DCUN1D5: variants seen among roughly 807,000 people sequenced by gnomAD.
DCUN1D5 encodes defective in cullin neddylation 1 domain containing 5, also known as DCN1-like protein 5.
DCUN1D5 carries 10 observed loss-of-function variants against 38.3 expected under a neutral mutation model. That is an observed-to-expected ratio of 0.26 (90% CI 0.16 to 0.44). The LOEUF (loss-of-function observed/expected upper bound fraction) is 0.44. Among genes scored for constraint, DCUN1D5 ranks in the 20% least tolerant of loss-of-function variants. The pLI is 1.00. For missense variants in DCUN1D5, 148 were observed against 275.3 expected (o/e 0.54, Z 3.27); for synonymous variants, 93 against 90.9 (o/e 1.02, Z -0.13).
chr11:103,085,457 A>G (rs1430333793), intron 2 of DCUN1D5, among the ~76,000 whole-genome samples: 2 of 152,174 alleles, frequency 1.3e-5, no homozygotes, highest in Non-Finnish European at 2.9e-5. Flanking sequence ...AAAAATAAAA[A>G]AGAAATATCA....
rs1029982618 is a variant in DCUN1D5 at position 103,058,193 on chromosome 11, T to C, written c.*4166A>G. On this transcript the variant is annotated 3_prime_UTR_variant, in exon 8 of 8. Transcript: ENST00000260247. ...TCAGAAACCATGTAAAAATGAGCCA[T>C]ATTATAAGAGGTTCTAATACATGAC... 3.4e-5 allele frequency among the ~76,000 whole-genome samples: 5 copies of C among 148,580 alleles called. No individual in the cohort carries two copies. The highest frequency in any genetic ancestry group is 6.7e-5 in the Admixed American group (1 of 14,860).
rs1261427065 is a variant in DCUN1D5, at chr11:103,054,791, T to A, written c.*7568A>T. 6.6e-6 allele frequency: 1 copy of A among 152,050 alleles called. No homozygotes were observed. The highest frequency in any genetic ancestry group is 2.4e-5 in the African/African-American group (1 of 41,406). 9.4% of individuals were successfully genotyped at this position (152,050 alleles called of 1,614,324 possible). ...TCCTTGGAATATAAATATACATTTA[T>A]ATTCAAATGTATATTAGCGTCAACT... On this transcript the variant is annotated 3_prime_UTR_variant, in exon 8 of 8. Transcript: ENST00000260247.
rs764998836 is a variant in DCUN1D5, at chr11:103,066,231, T to TA, written c.555+37dup. On this transcript the variant is annotated intron_variant, in intron 6 of 7. Coordinates refer to ENST00000260247, the MANE Select transcript of DCUN1D5 (RefSeq NM_032299.4). The surrounding 1 kb of genome is among the most constrained non-coding windows in gnomAD (Gnocchi z 4.7). ...AAAGTATAACTTTCAGATTAAGTTT[T>TA]AAAATAATATTTTCAAAATTCGAAA... is the stretch of plus-strand genomic sequence containing the variant. 2.7e-5 allele frequency: 35 copies of TA among 1,311,840 alleles called. No homozygotes were observed. The highest frequency in any genetic ancestry group is 3.5e-5 in the Non-Finnish European group (33 of 945,538). 81.3% of individuals were successfully genotyped at this position (1,311,840 alleles called of 1,614,324 possible).
rs1029203330 is a variant in DCUN1D5 at position 103,053,469 on chromosome 11, T to C, written c.*8890A>G. 2.0e-5 allele frequency: 3 copies of C among 152,118 alleles called. No homozygotes were observed. The highest frequency in any genetic ancestry group is 7.2e-5 in the African/African-American group (3 of 41,444). 9.4% of individuals were successfully genotyped at this position (152,118 alleles called of 1,614,324 possible). ...TGACTGATCTATTAACACTAAACTA[T>C]TGTACATTTCAAAATAGCTAAAGAG... On this transcript the variant is annotated 3_prime_UTR_variant, in exon 8 of 8. Transcript: ENST00000260247. This position sits in a 1 kb window ranked among gnomAD's most constrained non-coding sequence, Gnocchi z 4.8.
At chr11:103,072,763 G>T (rs1862309670) in intron 4 of DCUN1D5, among the ~76,000 whole-genome samples, 2 of 133,084 alleles carry the variant, frequency 1.5e-5, no homozygotes, top group Non-Finnish European at 1.6e-5. Flanking sequence ...CCTGTCGGGG[G>T]GTGGGGGGAG....
Position 103,066,408 on chromosome 11 carries a change from G to C in DCUN1D5, c.451-35C>G. The stretch of plus-strand genomic sequence containing the variant: ...AAGTGAAAAAGTTTTCCTAAGTGTG[G>C]TCTCAAGATGAAAAGCTATTAAAAC... On this transcript the variant is annotated intron_variant, in intron 5 of 7. Transcript: ENST00000260247. The surrounding 1 kb of genome is among the most constrained non-coding windows in gnomAD (Gnocchi z 4.7). 2 of 1,593,692 alleles carry C rather than the reference G, an allele frequency of 1.3e-6. No homozygotes were observed. Among genetic ancestry groups the C allele is most frequent in the Non-Finnish European group, 1.7e-6 (2 of 1,166,270 alleles).
At position 103,091,827 on chromosome 11, in the gene DCUN1D5, C is replaced by T; in HGVS notation, c.46G>A (p.Val16Ile). ...TTTTTGAGGCCTCCGTCTTCCGCTA[C>T]TGCTGCTGCCACCCCAGGGGATTTT... ...KRKSPGVAAA[V>I]AEDGGLKKCK... The change falls in exon 1 of 8, where the codon GTA becomes ATA. Residue 16 changes from valine (V) to isoleucine (I), a missense_variant. By Grantham distance (29) the Val-to-Ile change is conservative. Coordinates refer to ENST00000260247, the MANE Select transcript of DCUN1D5 (RefSeq NM_032299.4). The surrounding 1 kb of genome is among the most constrained non-coding windows in gnomAD (Gnocchi z 4.3). 6.2e-7 allele frequency: 1 copy of T among 1,614,120 alleles called. No individual in the cohort carries two copies. Among genetic ancestry groups the T allele is most frequent in the Non-Finnish European group, 8.5e-7 (1 of 1,179,960 alleles).
At chr11:103,072,337 ACTAGATCTAGATCTAGAT>A (rs59688664) in intron 4 of DCUN1D5, among the ~76,000 whole-genome samples, 5 of 145,662 alleles carry the variant, frequency 3.4e-5, no homozygotes, top group Non-Finnish European at 7.4e-5. Context: ...AGGATCTAGA[ACTAGATCTAGATCTAGAT>A]CTAGATCTAG....
At chr11:103,067,372 A>T (rs568123418) in intron 4 of DCUN1D5, among the ~76,000 whole-genome samples, 1 of 152,126 alleles carries the variant, frequency 6.6e-6, no homozygotes, top group Non-Finnish European at 1.5e-5. Flanking sequence ...TGCTCTAATT[A>T]TATCACTTAC....
At chr11:103,084,847 T>C (rs562322461) in intron 2 of DCUN1D5, among the ~76,000 whole-genome samples, 9 of 151,604 alleles carry the variant, frequency 5.9e-5, no homozygotes, top group African/African-American at 2.2e-4. Context: ...AATAGCCTTG[T>C]GTGGTGGTGC....
In DCUN1D5 at chr11:103,071,947, C is replaced by G. The variant is rs2134613443; in HGVS notation, c.342-5380G>C. 6.8e-6 allele frequency among the ~76,000 whole-genome samples: 1 copy of G among 147,442 alleles called. No homozygotes were observed. Among genetic ancestry groups the G allele is most frequent in the South Asian group, 2.2e-4 (1 of 4,526 alleles). The stretch of plus-strand genomic sequence containing the variant: ...TAATAAAGCCAGTATTACTTGATAC[C>G]AAAACCAGGCAAATACAAAAAAAAG... On this transcript the variant is annotated intron_variant, in intron 4 of 7. Coordinates refer to ENST00000260247, the MANE Select transcript of DCUN1D5 (RefSeq NM_032299.4). This position sits in a 1 kb window ranked among gnomAD's most constrained non-coding sequence, Gnocchi z 4.1.
rs141012503 is a variant in DCUN1D5, at chr11:103,061,597, CAAA to C, written c.*759_*761del. 4.9e-4 allele frequency among the ~76,000 whole-genome samples: 47 copies of C among 95,488 alleles called. No homozygotes were observed. The highest frequency in any genetic ancestry group is 6.5e-4 in the Non-Finnish European group (28 of 43,372). 62.6% of individuals were successfully genotyped at this position (95,488 alleles called of 152,430 possible). A position where few individuals can be genotyped will look rare whatever the true frequency, so the allele number is the denominator to read the frequency against. On this transcript the variant is annotated 3_prime_UTR_variant, in exon 8 of 8. Transcript: ENST00000260247. The stretch of plus-strand genomic sequence containing the variant: ...TATCACAGCTAACGTTCTCTTAAGG[CAAA>C]AAAAAAAAAAAAAAGTGCTTTAAAC...
rs1017746711 is a variant in DCUN1D5, at chr11:103,088,839, A to G, written c.178+388T>C. 1.1e-4 allele frequency among the ~76,000 whole-genome samples: 16 copies of G among 152,224 alleles called. 1 individual carries two copies. Among genetic ancestry groups the G allele is most frequent in the African/African-American group, 3.6e-4 (15 of 41,470 alleles). On this transcript the variant is annotated intron_variant, in intron 2 of 7. Transcript: ENST00000260247. ...GAAAATGTTAGTTCAGAAAAATTTC[A>G]AAAAGAGAATATTGAATAGAAATGT...
chr11:103,079,503 A>G (rs1192510243), intron 4 of DCUN1D5, among the ~76,000 whole-genome samples: 1 of 152,182 alleles, frequency 6.6e-6, no homozygotes, highest in Non-Finnish European at 1.5e-5. Context: ...GGCCAAGGCT[A>G]GAGGATCACT....
intron 2 of DCUN1D5, among the ~76,000 whole-genome samples, chr11:103,085,357 A>C (rs1432796162): frequency 6.6e-6 from 1 of 152,178 alleles, no homozygotes; most frequent in African/African-American, 2.4e-5. Context: ...AGAATCACTT[A>C]ACCTAGGTGG....
intron 4 of DCUN1D5, among the ~76,000 whole-genome samples, chr11:103,076,195 C>T (rs374558209): frequency 1.3e-5 from 2 of 152,286 alleles, no homozygotes; most frequent in East Asian, 3.9e-4. Flanking sequence ...CATAGCATAA[C>T]ACAGGACCTG....
rs913342228 is a variant in DCUN1D5 at position 103,060,576 on chromosome 11, T to C, written c.*1783A>G. Among the ~76,000 whole-genome samples the C allele has an allele frequency of 1.3e-5, 2 of 152,306 alleles. No individual in the cohort carries two copies. Among genetic ancestry groups the C allele is most frequent in the East Asian group, 3.9e-4 (2 of 5,190 alleles). ...GGTCCTGGTATCAATCTCCTGCGTA[T>C]ACCAAGGATGCCTGTGCTTTCATAA... On this transcript the variant is annotated 3_prime_UTR_variant, in exon 8 of 8. Coordinates refer to ENST00000260247, the MANE Select transcript of DCUN1D5 (RefSeq NM_032299.4).
In DCUN1D5 at chr11:103,064,917, T is replaced by C. The variant is rs1167215532; in HGVS notation, c.556-540A>G. On this transcript the variant is annotated intron_variant, in intron 6 of 7. Coordinates refer to ENST00000260247, the MANE Select transcript of DCUN1D5 (RefSeq NM_032299.4). The surrounding 1 kb of genome is among the most constrained non-coding windows in gnomAD (Gnocchi z 4.5). The stretch of plus-strand genomic sequence containing the variant: ...GATAGAATTTAATTCAAAATGGTAT[T>C]ATAAAGATTTTTAAAAATATATGCC... 6.6e-6 allele frequency among the ~76,000 whole-genome samples: 1 copy of C among 152,198 alleles called. No individual in the cohort carries two copies. The highest frequency in any genetic ancestry group is 1.5e-5 in the Non-Finnish European group (1 of 68,036).
chr11:103,085,427 ACT>A (rs1862679304), intron 2 of DCUN1D5, among the ~76,000 whole-genome samples: 1 of 152,156 alleles, frequency 6.6e-6, no homozygotes, highest in South Asian at 2.1e-4. Flanking sequence ...ACAGAGCGAG[ACT>A]CTGTCTCAAA....
Sources: gnomAD v4.1 joint callset for allele counts (sites outside exome capture counted in the v4.1 genomes callset) on GRCh38, gnomAD v4.1.1 for gene constraint, Gnocchi (gnomAD v3.1) non-coding constraint, MANE v1.5 for transcripts, NCBI Gene and HGNC (gene_info 2026-07-23, HGNC 2026-07-21) for gene names.